Variants in LDB2 observed in about 807,000 individuals in gnomAD.
LDB2 encodes LIM domain-binding protein 2.
LDB2 carries 12 observed loss-of-function variants against 44.3 expected under a neutral mutation model. The ratio of observed to expected loss-of-function variants is 0.27; its 90% confidence interval spans 0.17 to 0.44. The LOEUF is 0.44. Among genes scored for constraint, LDB2 ranks in the 20% least tolerant of loss-of-function variants. The probability of loss-of-function intolerance (pLI) is 1.00; values close to 1 mark genes in which losing one functional copy is unlikely to be tolerated. For missense variants in LDB2, 344 were observed against 473.5 expected (o/e 0.73, Z 2.54); for synonymous variants, 164 against 174.8 (o/e 0.94, Z 0.49).
intron 2 of LDB2, among the ~76,000 whole-genome samples, chr4:16,618,409 T>G (rs1168310230): frequency 6.6e-6 from 1 of 152,210 alleles, no homozygotes. Context: ...TTCATGCTCA[T>G]AGGACTTGTC....
At chr4:16,810,309 T>C (rs1478292673) in intron 1 of LDB2, among the ~76,000 whole-genome samples, 1 of 152,182 alleles carries the variant, frequency 6.6e-6, no homozygotes. Context: ...AAAATCATCC[T>C]ACCCACGGGG....
chr4:16,508,418 C>T (rs1720405518), intron 7 of LDB2, 117 bp downstream of exon 7: 2 of 1,022,516 alleles, frequency 2.0e-6, no homozygotes, highest in African/African-American at 1.6e-5. Context: ...CCCTCCCCCA[C>T]CTCCAACCTG....
intron 2 of LDB2, among the ~76,000 whole-genome samples, chr4:16,739,725 TATATGTGTATATACATAC>T (rs1762825930): frequency 1.6e-5 from 2 of 121,856 alleles, no homozygotes; most frequent in South Asian, 4.9e-4. Flanking sequence ...TATATATACA[TATATGTGTATATACATAC>T]ATATACATAT....
chr4:16,892,271 T>C (rs78977416), intron 1 of LDB2, among the ~76,000 whole-genome samples: 2,796 of 152,212 alleles, frequency 0.018, 76 homozygotes, highest in African/African-American at 0.065. Context: ...AGACAGAAAG[T>C]ATCTTAATCA....
chr4:16,816,389 CT>C (rs1780899983), intron 1 of LDB2, among the ~76,000 whole-genome samples: 1 of 145,162 alleles, frequency 6.9e-6, no homozygotes, highest in East Asian at 2.0e-4. Context: ...ATTTTTAGTT[CT>C]TATTTTCTTT....
rs565213832 is a variant in LDB2, at chr4:16,717,063, A to T, written c.235+42095T>A. Among the ~76,000 whole-genome samples, 96 of 152,088 alleles carry T rather than the reference A, an allele frequency of 6.3e-4. 1 individual carries two copies. The highest frequency in any genetic ancestry group is 1.2e-3 in the Non-Finnish European group (84 of 67,970). On this transcript the variant is annotated intron_variant, in intron 2 of 7. Coordinates refer to ENST00000304523, the MANE Select transcript of LDB2 (RefSeq NM_001290.5). ...TAGCTGTTTCTCAGTTATTCAAAGT[A>T]ATAGATGGTTAGGTTAGCACAGAAA...
intron 1 of LDB2, among the ~76,000 whole-genome samples, chr4:16,834,506 C>T (rs755815766): frequency 1.6e-4 from 25 of 152,118 alleles, no homozygotes; most frequent in Non-Finnish European, 3.1e-4. Context: ...CCTACGAGCA[C>T]GTGACTCCTA....
chr4:16,598,270 GAA>G (rs1402862349), intron 2 of LDB2, among the ~76,000 whole-genome samples: 1 of 152,188 alleles, frequency 6.6e-6, no homozygotes, highest in Non-Finnish European at 1.5e-5. Context: ...TTGTTCTCAG[GAA>G]GAAGTCAGTT....
At chr4:16,785,555 C>T (rs891314321) in intron 1 of LDB2, among the ~76,000 whole-genome samples, 13 of 152,272 alleles carry the variant, frequency 8.5e-5, no homozygotes, top group African/African-American at 2.9e-4. Flanking sequence ...CGGGCAGCAG[C>T]CGCATCGGGT....
At chr4:16,695,312 C>A (rs1751854603) in intron 2 of LDB2, among the ~76,000 whole-genome samples, 1 of 151,974 alleles carries the variant, frequency 6.6e-6, no homozygotes. Flanking sequence ...GGGCGGATCA[C>A]CTGAGGTCAG....
At chr4:16,761,174 A>G (rs1264199744) in intron 1 of LDB2, among the ~76,000 whole-genome samples, 1 of 152,304 alleles carries the variant, frequency 6.6e-6, no homozygotes, top group East Asian at 1.9e-4. Context: ...TCTACTTTGC[A>G]ACTGCAGAAA....
chr4:16,810,397 T>C (rs189897682), intron 1 of LDB2, among the ~76,000 whole-genome samples: 1 of 152,354 alleles, frequency 6.6e-6, no homozygotes, highest in East Asian at 1.9e-4. Context: ...TTAATTTATC[T>C]GTTTATGTTT....
chr4:16,633,316 T>C (rs1732557124), intron 2 of LDB2, among the ~76,000 whole-genome samples: 1 of 152,112 alleles, frequency 6.6e-6, no homozygotes, highest in Non-Finnish European at 1.5e-5. Context: ...AGGGATAGCA[T>C]TAGGAGATAT....
intron 2 of LDB2, among the ~76,000 whole-genome samples, chr4:16,661,096 C>T (rs111364580): frequency 1.3e-4 from 20 of 151,972 alleles, no homozygotes; most frequent in African/African-American, 4.8e-4. Flanking sequence ...TAATTACTTT[C>T]CCCCACCTCC....
intron 5 of LDB2, among the ~76,000 whole-genome samples, chr4:16,525,670 C>T (rs1727952997): frequency 6.6e-6 from 1 of 152,162 alleles, no homozygotes; most frequent in Non-Finnish European, 1.5e-5. Context: ...AAGAAAATCA[C>T]TGCTCTTAAG....
chr4:16,659,150 CT>C (rs1195805046), intron 2 of LDB2, among the ~76,000 whole-genome samples: 8 of 152,182 alleles, frequency 5.3e-5, no homozygotes, highest in Admixed American at 5.2e-4. Flanking sequence ...TTCTGCTCCA[CT>C]TTCCTGGAGT....
At chr4:16,730,411 C>T (rs1760495386) in intron 2 of LDB2, among the ~76,000 whole-genome samples, 1 of 152,180 alleles carries the variant, frequency 6.6e-6, no homozygotes, top group South Asian at 2.1e-4. Context: ...TTCTTAATCT[C>T]TGAATCTTCC....
At chr4:16,799,270 C>T (rs992652566) in intron 1 of LDB2, among the ~76,000 whole-genome samples, 2 of 152,246 alleles carry the variant, frequency 1.3e-5, no homozygotes, top group African/African-American at 4.8e-5. Flanking sequence ...AGAAAGAAGT[C>T]TCCCCAACTC....
Position 16,898,563 on chromosome 4 carries a change from A to G in LDB2, c.-78T>C, listed in dbSNP as rs1264703655. The G allele has an allele frequency of 1.9e-5, 28 of 1,463,586 alleles. No individual in the cohort carries two copies. Among genetic ancestry groups the G allele is most frequent in the Non-Finnish European group, 2.6e-5 (28 of 1,062,922 alleles). The allele number at this position is 1,463,586 out of a possible 1,614,324, so 90.7% of individuals were successfully genotyped here. The stretch of plus-strand genomic sequence containing the variant: ...AGAGCACATGGGCTGTGTTCTTCCC[A>G]GTACAAAGTAGACGCACGCACACAC... On this transcript the variant is annotated 5_prime_UTR_variant, in exon 1 of 8. Transcript: ENST00000304523.
Sources: gnomAD v4.1 joint callset for allele counts (sites outside exome capture counted in the v4.1 genomes callset) on GRCh38, gnomAD v4.1.1 for gene constraint, MANE v1.5 for transcripts, NCBI Gene and HGNC (gene_info 2026-07-23, HGNC 2026-07-21) for gene names.